Variants in GSTO2 observed in about 807,000 individuals in gnomAD.
GSTO2 encodes glutathione S-transferase omega-2.
Under a neutral mutation model 28.4 loss-of-function variants are expected in GSTO2, and 23 were observed. The ratio of observed to expected loss-of-function variants is 0.81; its 90% confidence interval spans 0.58 to 1.15. The LOEUF (loss-of-function observed/expected upper bound fraction) is 1.15. Among genes scored for constraint, GSTO2 ranks in the 50% most tolerant of loss-of-function variants. The pLI, the probability that GSTO2 is intolerant of heterozygous loss-of-function variation, is 0.00. For synonymous variants in GSTO2, 109 were observed against 111.0 expected (o/e 0.98, Z 0.11); for missense variants, 298 against 297.8 (o/e 1.00, Z 0.00).
intron 1 of GSTO2, among the ~76,000 whole-genome samples, chr10:104,272,051 T>C (rs2011430658): frequency 6.6e-6 from 1 of 152,232 alleles, no homozygotes; most frequent in Non-Finnish European, 1.5e-5. Flanking sequence ...AGCCCTAATA[T>C]ATTAACTATG....
chr10:104,293,078 G>C (rs573066332), intron 5 of GSTO2, among the ~76,000 whole-genome samples: 4 of 152,308 alleles, frequency 2.6e-5, no homozygotes, highest in Non-Finnish European at 5.9e-5. Flanking sequence ...AGGAAGGACA[G>C]AATTCTGATA....
intron 5 of GSTO2, among the ~76,000 whole-genome samples, chr10:104,280,872 A>G (rs184212635): frequency 1.2e-4 from 19 of 152,310 alleles, no homozygotes; most frequent in African/African-American, 3.6e-4. Flanking sequence ...CCAGTTGCCT[A>G]TCTCAAATTT....
At position 104,304,485 on chromosome 10, in the gene GSTO2, T is replaced by C. The variant is rs564812301; in HGVS notation, c.*5201T>C. 1.3e-5 allele frequency: 2 copies of C among 152,344 alleles called. No individual in the cohort carries two copies. The highest frequency in any genetic ancestry group is 4.1e-4 in the South Asian group (2 of 4,834). 9.4% of individuals were successfully genotyped at this position (152,344 alleles called of 1,614,324 possible). A position where few individuals can be genotyped will look rare whatever the true frequency, so the allele number is the denominator to read the frequency against. On this transcript the variant is annotated 3_prime_UTR_variant, in exon 7 of 7. Coordinates refer to ENST00000338595, the MANE Select transcript of GSTO2 (RefSeq NM_183239.2). ...TAGCACTGGGATCAAATTCCGACTT[T>C]GCAACTTAACTTTCTTGAGTAAGTT...
chr10:104,282,951 G>A (rs1230251810), intron 5 of GSTO2, among the ~76,000 whole-genome samples: 3 of 152,176 alleles, frequency 2.0e-5, no homozygotes, highest in East Asian at 3.8e-4. Context: ...TGTCATTAGT[G>A]GGGTGGTGAT....
chr10:104,280,468 G>C lies in GSTO2; in HGVS notation c.468+997G>C, dbSNP rs539949570. Among the ~76,000 whole-genome samples the C allele has an allele frequency of 2.0e-5, 3 of 152,232 alleles. No individual in the cohort carries two copies. The South Asian group carries it at 6.2e-4, about 32-fold the overall frequency. ...TCTACTCAATGGCTATTTACATTTC[G>C]TTGGCCAGAACTTAGTTGTGGGGTC... is the stretch of plus-strand genomic sequence containing the variant. On this transcript the variant is annotated intron_variant, in intron 5 of 6. Coordinates refer to ENST00000338595, the MANE Select transcript of GSTO2 (RefSeq NM_183239.2).
intron 5 of GSTO2, among the ~76,000 whole-genome samples, chr10:104,283,200 C>T (rs572291545): frequency 6.6e-6 from 1 of 152,300 alleles, no homozygotes; most frequent in Non-Finnish European, 1.5e-5. Flanking sequence ...GTTAACCAGC[C>T]TCTATATAGG....
intron 5 of GSTO2, among the ~76,000 whole-genome samples, chr10:104,284,022 T>C (rs2012251421): frequency 6.6e-6 from 1 of 152,160 alleles, no homozygotes. Flanking sequence ...TTTTAAGTTT[T>C]TTTTTTTTTT....
chr10:104,290,539 A>G (rs2012714881), intron 5 of GSTO2, among the ~76,000 whole-genome samples: 1 of 152,028 alleles, frequency 6.6e-6, no homozygotes, highest in Non-Finnish European at 1.5e-5. Flanking sequence ...TATAGTACAT[A>G]TACACAATGG....
At chr10:104,285,259 ATTAT>A (rs1300594795) in intron 5 of GSTO2, among the ~76,000 whole-genome samples, 1 of 152,040 alleles carries the variant, frequency 6.6e-6, no homozygotes, top group African/African-American at 2.4e-5. Context: ...TAATTTTTTA[ATTAT>A]TTTATTTTCT....
chr10:104,275,390 GGAAT>G, intron 3 of GSTO2, 56 bp downstream of exon 3: 2 of 1,545,948 alleles, frequency 1.3e-6, no homozygotes, highest in Non-Finnish European at 1.8e-6. Context: ...CAGGAGCCCG[GGAAT>G]GTTTAACATC....
Position 104,270,215 on chromosome 10 carries a change from G to A in GSTO2, c.-232+946G>A, listed in dbSNP as rs535087607. The stretch of plus-strand genomic sequence containing the variant: ...TTTTTAGTAGAGACGGGGTTTCACC[G>A]TGTTAGCCAGGATGGTCTCGATCTC... On this transcript the variant is annotated intron_variant, in intron 1 of 6. Transcript: ENST00000338595. 2.0e-5 allele frequency among the ~76,000 whole-genome samples: 3 copies of A among 151,540 alleles called. No homozygotes were observed. In the South Asian group the frequency reaches 6.2e-4, roughly 32 times the overall value.
intron 1 of GSTO2, among the ~76,000 whole-genome samples, chr10:104,271,630 T>G (rs553261347): frequency 1.3e-5 from 2 of 152,356 alleles, no homozygotes; most frequent in East Asian, 3.9e-4. Context: ...ATTGTTTCCC[T>G]TTAGAGGAGA....
Position 104,277,918 on chromosome 10 carries a change from G to T in GSTO2, c.168G>T (p.Leu56=). 6.2e-7 allele frequency: 1 copy of T among 1,613,894 alleles called. No individual in the cohort carries two copies. The highest frequency in any genetic ancestry group is 8.5e-7 in the Non-Finnish European group (1 of 1,179,820). ...GACATGAAGTGGTCAACATTAACCT[G>T]AGAAACAAGCCTGAATGGTACTATA... ...DIRHEVVNIN[L]RNKPEWYYTK... Residue 56 remains leucine (L), a synonymous_variant, in exon 4 of 7, where the codon CTG becomes CTT. Transcript: ENST00000338595.
In GSTO2 at chr10:104,299,228, T is replaced by G. The variant is rs778686098; in HGVS notation, c.676T>G (p.Phe226Val). The change falls in exon 7 of 7, where the codon TTC (phenylalanine) becomes GTC (valine). Residue 226 changes from phenylalanine (F) to valine (V), a missense_variant. Physicochemically the swap from Phe to Val is conservative, Grantham distance 50 (BLOSUM62 -1). Coordinates refer to ENST00000338595, the MANE Select transcript of GSTO2 (RefSeq NM_183239.2). Reference protein sequence around the residue: ...LLMDKSIFQGFLNLYFQNNPN... With the variant: ...LLMDKSIFQGVLNLYFQNNPN... ...CATGGATAAGAGCATTTTCCAGGGCTTCTTGAATCTCTATTTTCAGAACAA... is the reference window on the plus strand; with the variant it reads ...CATGGATAAGAGCATTTTCCAGGGCGTCTTGAATCTCTATTTTCAGAACAA... 1 of 1,614,224 alleles carries G rather than the reference T, an allele frequency of 6.2e-7. No homozygotes were observed.
rs768279768 is a variant in GSTO2, at chr10:104,272,587, C to CTTTTTTTTTTTTTTTTTTTT, written c.-231-2073_-231-2054dup. 3.9e-4 allele frequency among the ~76,000 whole-genome samples: 19 copies of CTTTTTTTTTTTTTTTTTTTT among 49,308 alleles called. 4 individuals are homozygous for CTTTTTTTTTTTTTTTTTTTT. The highest frequency in any genetic ancestry group is 6.0e-4 in the Non-Finnish European group (16 of 26,482). The allele number at this position is 49,308 out of a possible 152,430, so 32.3% of individuals were successfully genotyped here. A position where few individuals can be genotyped will look rare whatever the true frequency, so the allele number is the denominator to read the frequency against. On this transcript the variant is annotated intron_variant, in intron 1 of 6. Transcript: ENST00000338595. ...GAATCAAAATAGAACAGTTATGGGA[C>CTTTTTTTTTTTTTTTTTTTT]TTTTTTTTTTTTTTTTTTTTTTTTT...
At chr10:104,298,948 A>G (rs1232445519) in intron 6 of GSTO2, among the ~76,000 whole-genome samples, 180 bp from the exon 7 acceptor site, 2 of 152,240 alleles carry the variant, frequency 1.3e-5, no homozygotes, top group African/African-American at 4.8e-5. Context: ...TAAACATTCA[A>G]CTATTCCAAA....
At chr10:104,296,057 A>G (rs917222229) in intron 5 of GSTO2, 1 of 152,174 alleles carries the variant, frequency 6.6e-6, no homozygotes, top group African/African-American at 2.4e-5. Flanking sequence ...TTCGTGCCAT[A>G]CTTTTCTCTT....
At chr10:104,274,433 AT>A (rs35937878) in intron 1 of GSTO2, among the ~76,000 whole-genome samples, 1 of 151,994 alleles carries the variant, frequency 6.6e-6, no homozygotes, top group Non-Finnish European at 1.5e-5. Flanking sequence ...TGGCCTTATT[AT>A]TTTTTAAAGC....
In GSTO2 at chr10:104,299,406, A is replaced by G; in HGVS notation, c.*122A>G. ...TCTTTGAAGTTCCCAATAAAATGAA[A>G]ACAGGAAATGTATTCTTCTGATAAT... On this transcript the variant is annotated 3_prime_UTR_variant, in exon 7 of 7. Transcript: ENST00000338595. 1 of 1,112,638 alleles carries G rather than the reference A, an allele frequency of 9.0e-7. No homozygotes were observed. Among genetic ancestry groups the G allele is most frequent in the Non-Finnish European group, 1.3e-6 (1 of 753,366 alleles). The allele number at this position is 1,112,638 out of a possible 1,614,324, so 68.9% of individuals were successfully genotyped here.
Sources: gnomAD v4.1 joint callset for allele counts (sites outside exome capture counted in the v4.1 genomes callset) on GRCh38, gnomAD v4.1.1 for gene constraint, MANE v1.5 for transcripts, NCBI Gene and HGNC (gene_info 2026-07-23, HGNC 2026-07-21) for gene names.